Variants in ME1 observed in about 807,000 individuals in gnomAD.
ME1 encodes the protein malic enzyme 1, also known as NADP-dependent malic enzyme.
ME1 carries 74 observed loss-of-function variants against 66.4 expected under a neutral mutation model. The observed-to-expected ratio is 1.11, with a 90% CI of 0.92 to 1.35. ME1 has a LOEUF of 1.35. Ranked by LOEUF, ME1 falls within the 40% of genes most tolerant of loss-of-function variation. The probability of loss-of-function intolerance (pLI) is 0.00; values close to 1 mark genes in which losing one functional copy is unlikely to be tolerated. For synonymous variants in ME1, 251 were observed against 235.6 expected (o/e 1.07, Z -0.60); for missense variants, 750 against 694.1 (o/e 1.08, Z -0.90).
chr6:83,241,946 T>C (rs1442146068), intron 7 of ME1, among the ~76,000 whole-genome samples: 6 of 152,276 alleles, frequency 3.9e-5, no homozygotes, highest in Non-Finnish European at 7.4e-5. Context: ...CACTGCAGCG[T>C]CCATCTCCCA....
chr6:83,255,606 A>G (rs1766750886), intron 6 of ME1, among the ~76,000 whole-genome samples: 1 of 152,130 alleles, frequency 6.6e-6, no homozygotes, highest in African/African-American at 2.4e-5. Context: ...TAAAAAAACA[A>G]GCTATACCAA....
At chr6:83,228,612 A>G (rs1243547876) in intron 10 of ME1, among the ~76,000 whole-genome samples, 1 of 152,210 alleles carries the variant, frequency 6.6e-6, no homozygotes, top group Non-Finnish European at 1.5e-5. Flanking sequence ...AGGCTGAGTT[A>G]GAGGAGGGGG....
intron 5 of ME1, among the ~76,000 whole-genome samples, chr6:83,321,273 A>T (rs1583379316): frequency 6.6e-6 from 1 of 151,806 alleles, no homozygotes; most frequent in Non-Finnish European, 1.5e-5. Context: ...TTTTTTCCAT[A>T]CCCCAGTGGC....
At chr6:83,229,030 T>A in intron 9 of ME1, 99 bp from the exon 10 acceptor site, 1 of 748,556 alleles carries the variant, frequency 1.3e-6, no homozygotes, top group Non-Finnish European at 2.3e-6. Context: ...TTAACATTTT[T>A]ATGTATGATG....
intron 1 of ME1, among the ~76,000 whole-genome samples, chr6:83,425,694 C>T (rs1020805126): frequency 6.6e-6 from 1 of 152,170 alleles, no homozygotes; most frequent in Non-Finnish European, 1.5e-5. Flanking sequence ...GGTAGGAACA[C>T]AGACAAACCA....
intron 3 of ME1, among the ~76,000 whole-genome samples, chr6:83,362,032 G>A (rs1769015484): frequency 6.6e-6 from 1 of 152,208 alleles, no homozygotes; most frequent in African/African-American, 2.4e-5. Flanking sequence ...AGATGGTTCT[G>A]CACAATATGC....
intron 2 of ME1, among the ~76,000 whole-genome samples, chr6:83,406,374 C>T (rs949428468): frequency 2.6e-5 from 4 of 152,072 alleles, no homozygotes; most frequent in Admixed American, 6.5e-5. Flanking sequence ...CCCTCCTTTT[C>T]GATTGTTTGG....
intron 3 of ME1, chr6:83,392,501 A>G (rs1477071381): frequency 2.5e-5 from 13 of 526,550 alleles, no homozygotes; most frequent in South Asian, 7.0e-5. Flanking sequence ...GGTTAAGTCG[A>G]TATTGTCGCC....
chr6:83,271,412 C>T (rs1464513872), intron 6 of ME1, among the ~76,000 whole-genome samples: 4 of 152,078 alleles, frequency 2.6e-5, no homozygotes, highest in Admixed American at 1.3e-4. Flanking sequence ...CACATGGAGG[C>T]TGCAATTGGT....
intron 6 of ME1, among the ~76,000 whole-genome samples, chr6:83,295,704 A>T (rs553299913): frequency 3.9e-5 from 6 of 152,292 alleles, no homozygotes; most frequent in African/African-American, 1.4e-4. Flanking sequence ...AAGACATGAA[A>T]AACTATTTAA....
rs1562005954 is a variant in ME1 at position 83,407,895 on chromosome 6, C to CCAAG, written c.81_84dup (p.Ala29LeufsTer30). On this transcript the variant is annotated frameshift_variant, in exon 2 of 14. Coordinates refer to ENST00000369705, the MANE Select transcript of ME1 (RefSeq NM_002395.6). LOFTEE classifies it high-confidence loss of function. ...TGCTGTCTCTCTTCCAGGGTAAAGG[C>CCAAG]CAAGTCCTATAGAGAAAAAACACAC... 4 of 1,606,504 alleles carry CCAAG rather than the reference C, an allele frequency of 2.5e-6. No homozygotes were observed. The highest frequency in any genetic ancestry group is 3.4e-6 in the Non-Finnish European group (4 of 1,178,064).
intron 6 of ME1, among the ~76,000 whole-genome samples, chr6:83,313,200 G>A (rs1427048987): frequency 6.6e-6 from 1 of 152,118 alleles, no homozygotes; most frequent in East Asian, 1.9e-4. Flanking sequence ...ATTTAATTGG[G>A]TAGTGTTAGG....
At chr6:83,412,015 G>A (rs992457370) in intron 1 of ME1, among the ~76,000 whole-genome samples, 1 of 152,108 alleles carries the variant, frequency 6.6e-6, no homozygotes, top group African/African-American at 2.4e-5. Context: ...CTGTCAAGCA[G>A]AAATGAAAAG....
chr6:83,332,289 A>T (rs887572042), intron 5 of ME1, among the ~76,000 whole-genome samples: 2 of 152,206 alleles, frequency 1.3e-5, no homozygotes, highest in Non-Finnish European at 2.9e-5. Flanking sequence ...AAAAGGGAAA[A>T]CTTATACACT....
At position 83,210,780 on chromosome 6, in the gene ME1, T is replaced by C. The variant is rs1789857697; in HGVS notation, c.*1144A>G. The C allele has an allele frequency of 6.6e-6, 1 of 152,340 alleles. No individual in the cohort carries two copies. Among genetic ancestry groups the C allele is most frequent in the African/African-American group, 2.4e-5 (1 of 41,582 alleles). The allele number at this position is 152,340 out of a possible 1,614,324, so 9.4% of individuals were successfully genotyped here. A position where few individuals can be genotyped will look rare whatever the true frequency, so the allele number is the denominator to read the frequency against. On this transcript the variant is annotated 3_prime_UTR_variant, in exon 14 of 14. Coordinates refer to ENST00000369705, the MANE Select transcript of ME1 (RefSeq NM_002395.6). ...CTTAGCTTTATAATTTAAAATTTTT[T>C]CCATTACTTCAAACATTAGTTTCTA...
chr6:83,356,248 GT>G, intron 3 of ME1, among the ~76,000 whole-genome samples: 1 of 152,028 alleles, frequency 6.6e-6, no homozygotes, highest in East Asian at 1.9e-4. Flanking sequence ...ATAACCCTCT[GT>G]TCCATTACAG....
intron 5 of ME1, among the ~76,000 whole-genome samples, chr6:83,329,938 C>T (rs1768373100): frequency 6.6e-6 from 1 of 152,158 alleles, no homozygotes; most frequent in Non-Finnish European, 1.5e-5. Flanking sequence ...AATCCTCCCA[C>T]CTTGGCCTCC....
chr6:83,427,656 C>A (rs1286016887), intron 1 of ME1, among the ~76,000 whole-genome samples: 3 of 151,886 alleles, frequency 2.0e-5, no homozygotes, highest in Admixed American at 6.6e-5. Context: ...GTCTACTGAG[C>A]AAAATACTGT....
intron 3 of ME1, among the ~76,000 whole-genome samples, chr6:83,380,722 C>T (rs1450514914): frequency 6.6e-6 from 1 of 151,838 alleles, no homozygotes; most frequent in East Asian, 1.9e-4. Flanking sequence ...TAGTTGTTTG[C>T]CATATTAAGA....
Sources: gnomAD v4.1 joint callset for allele counts (sites outside exome capture counted in the v4.1 genomes callset) on GRCh38, gnomAD v4.1.1 for gene constraint, MANE v1.5 for transcripts, NCBI Gene and HGNC (gene_info 2026-07-23, HGNC 2026-07-21) for gene names.